NAA15: variants seen among roughly 807,000 people sequenced by gnomAD.
NAA15 encodes the protein N-alpha-acetyltransferase 15, NatA auxiliary subunit.
NAA15 carries 34 observed loss-of-function variants against 114.0 expected under a neutral mutation model. The ratio of observed to expected loss-of-function variants is 0.30; its 90% CI spans 0.23 to 0.40. The LOEUF (loss-of-function observed/expected upper bound fraction) is 0.40, where lower values mean the gene tolerates loss of function less well. NAA15 is among the 10% of genes least tolerant of loss of function. NAA15 has a pLI of 1.00. For missense variants in NAA15, 658 were observed against 1,004.5 expected, an observed-to-expected ratio of 0.66 and a Z score of 4.66; for synonymous variants, 340 against 338.0, an observed-to-expected ratio of 1.01 and a Z score of -0.06.
intron 1 of NAA15, among the ~76,000 whole-genome samples, chr4:139,310,271 G>A (rs1395514060): frequency 5.9e-5 from 9 of 151,454 alleles, no homozygotes; most frequent in Non-Finnish European, 8.8e-5. Context: ...TGGCTAAAAC[G>A]GTGAAACCCT....
At chr4:139,378,955 G>A in intron 17 of NAA15, 101 bp downstream of exon 17, 1 of 717,354 alleles carries the variant, frequency 1.4e-6, no homozygotes, top group South Asian at 1.9e-5. Flanking sequence ...TGATTTTAAA[G>A]CTGTCACATA....
intron 6 of NAA15, among the ~76,000 whole-genome samples, chr4:139,346,680 G>A (rs184252698): frequency 1.8e-3 from 274 of 152,164 alleles, no homozygotes; most frequent in Non-Finnish European, 3.1e-3. Flanking sequence ...CCCGAGTAGT[G>A]GGATTATAGG....
rs529543809 is a variant in NAA15, at chr4:139,323,568, C to T, written c.55-10606C>T. Among the ~76,000 whole-genome samples the T allele has an allele frequency of 1.5e-4, 23 of 152,252 alleles. No individual in the cohort carries two copies. The East Asian group carries it at 3.9e-3, about 26-fold the overall frequency. ...CCTGCCCCATAAATTCCAGCAGTTT[C>T]TAATTCTCATATCTACTCAGGTCAG... is the stretch of plus-strand genomic sequence containing the variant. On this transcript the variant is annotated intron_variant, in intron 1 of 19. Transcript: ENST00000296543.
rs546157720 is a variant in NAA15, at chr4:139,368,706, C to T, written c.1754-1505C>T. 7.9e-5 allele frequency among the ~76,000 whole-genome samples: 12 copies of T among 151,994 alleles called. No homozygotes were observed. The East Asian group carries it at 1.7e-3, about 22-fold the overall frequency. ...CACATGAGTCACTAAATATAGCCCACGTTTGAGGTGGCGGGGGTGGAGGGG... is the reference window on the plus strand; with the variant it reads ...CACATGAGTCACTAAATATAGCCCATGTTTGAGGTGGCGGGGGTGGAGGGG... On this transcript the variant is annotated intron_variant, in intron 14 of 19. Coordinates refer to ENST00000296543, the MANE Select transcript of NAA15 (RefSeq NM_057175.5).
chr4:139,356,831 G>C lies in NAA15; in HGVS notation c.1088-555G>C, dbSNP rs1241356834. ...TTTTACTTGTCATCTCATTTTTGGG[G>C]TATAGTTTTTATTTGACTTAAATTA... On this transcript the variant is annotated intron_variant, in intron 10 of 19. Coordinates refer to ENST00000296543, the MANE Select transcript of NAA15 (RefSeq NM_057175.5). Among the ~76,000 whole-genome samples, 4 of 151,852 alleles carry C rather than the reference G, an allele frequency of 2.6e-5. No homozygotes were observed. The South Asian group carries it at 8.3e-4, about 32-fold the overall frequency.
At chr4:139,364,604 G>C (rs1287615963) in intron 14 of NAA15, among the ~76,000 whole-genome samples, 3 of 152,130 alleles carry the variant, frequency 2.0e-5, no homozygotes, top group Non-Finnish European at 4.4e-5. Context: ...GTAGGTCATA[G>C]GCATGGTTTC....
chr4:139,317,621 G>GA (rs1364108821), intron 1 of NAA15, among the ~76,000 whole-genome samples: 2 of 152,038 alleles, frequency 1.3e-5, no homozygotes, highest in Admixed American at 6.6e-5. Flanking sequence ...ACACTGTCTT[G>GA]AAAAAACAAC....
chr4:139,311,355 G>A (rs1170181728), intron 1 of NAA15, among the ~76,000 whole-genome samples: 1 of 145,382 alleles, frequency 6.9e-6, no homozygotes, highest in African/African-American at 2.6e-5. Flanking sequence ...TGTGAAAATA[G>A]TGATTACAGG....
At chr4:139,340,537 A>G (rs1166421650) in intron 3 of NAA15, among the ~76,000 whole-genome samples, 1 of 152,146 alleles carries the variant, frequency 6.6e-6, no homozygotes, top group Non-Finnish European at 1.5e-5. Flanking sequence ...GTAACTGTTT[A>G]CATATATATA....
At chr4:139,309,201 A>G in intron 1 of NAA15, among the ~76,000 whole-genome samples, 1 of 150,786 alleles carries the variant, frequency 6.6e-6, no homozygotes, top group Non-Finnish European at 1.5e-5. Context: ...TACGAAACTT[A>G]GCTGGGCGTG....
rs1181192026 is a variant in NAA15 at position 139,315,001 on chromosome 4, T to TTCAGG, written c.54+13171_54+13172insCAGGT. On this transcript the variant is annotated intron_variant, in intron 1 of 19. Transcript: ENST00000296543. The stretch of plus-strand genomic sequence containing the variant: ...TAGAGAAGCGTTCAGTTCAGTTCAG[T>TTCAGG]TTAGTTTAGGTTAGGTTAGGTTAGG... Among the ~76,000 whole-genome samples, 49 of 74,382 alleles carry TTCAGG rather than the reference T, an allele frequency of 6.6e-4. 3 individuals are homozygous for TTCAGG. The highest frequency in any genetic ancestry group is 9.2e-4 in the Admixed American group (6 of 6,502). The allele number at this position is 74,382 out of a possible 152,430, so 48.8% of individuals were successfully genotyped here.
intron 5 of NAA15, among the ~76,000 whole-genome samples, 194 bp downstream of exon 5, chr4:139,343,154 A>G (rs994818094): frequency 9.2e-5 from 14 of 152,312 alleles, no homozygotes; most frequent in African/African-American, 3.4e-4. Context: ...TTACTTTAAA[A>G]TTTGTGTATC....
Position 139,342,965 on chromosome 4 carries a change from TA to T in NAA15, c.537+7del. On this transcript the variant is annotated splice_donor_region_variant and intron_variant, in intron 5 of 19. Transcript: ENST00000296543. Reference sequence around the variant, plus strand: ...GAATTTAGGAAAACACAACAGGTAATAACTAGAAGCCATTTTACTAAGTCTG... The same window carrying T: ...GAATTTAGGAAAACACAACAGGTAATACTAGAAGCCATTTTACTAAGTCTG... 3.7e-6 allele frequency: 6 copies of T among 1,609,270 alleles called. No individual in the cohort carries two copies. The highest frequency in any genetic ancestry group is 5.1e-6 in the Non-Finnish European group (6 of 1,176,730).
intron 1 of NAA15, among the ~76,000 whole-genome samples, chr4:139,323,618 T>C (rs1746694195): frequency 1.3e-5 from 2 of 152,218 alleles, no homozygotes; most frequent in South Asian, 4.1e-4. Flanking sequence ...TCTGTTTAGG[T>C]CCCCCACCCA....
chr4:139,312,937 C>T (rs1042261882), intron 1 of NAA15, among the ~76,000 whole-genome samples: 7 of 151,854 alleles, frequency 4.6e-5, no homozygotes, highest in African/African-American at 1.7e-4. Flanking sequence ...CTCTACTGCA[C>T]TTTCTTTGGT....
intron 1 of NAA15, among the ~76,000 whole-genome samples, chr4:139,305,045 G>C (rs1008643747): frequency 6.6e-6 from 1 of 152,190 alleles, no homozygotes; most frequent in Non-Finnish European, 1.5e-5. Context: ...TCAGCCTCCG[G>C]AGTAGGGGGG....
intron 15 of NAA15, among the ~76,000 whole-genome samples, chr4:139,372,732 C>G (rs914274870): frequency 1.3e-5 from 2 of 148,404 alleles, no homozygotes; most frequent in East Asian, 2.0e-4. Context: ...GCCCTTCAAC[C>G]CCCCCTTTTT....
At chr4:139,364,566 CATG>C (rs1323350693) in intron 14 of NAA15, among the ~76,000 whole-genome samples, 1 of 152,066 alleles carries the variant, frequency 6.6e-6, no homozygotes, top group South Asian at 2.1e-4. Context: ...CTACCTTTAT[CATG>C]ATAAATTCTG....
At chr4:139,372,681 C>T (rs1275783126) in intron 15 of NAA15, among the ~76,000 whole-genome samples, 4 of 152,030 alleles carry the variant, frequency 2.6e-5, no homozygotes, top group East Asian at 1.9e-4. Context: ...TTTTAAAGGC[C>T]GCCTGCCAAG....
Sources: gnomAD v4.1 joint callset for allele counts (sites outside exome capture counted in the v4.1 genomes callset) on GRCh38, gnomAD v4.1.1 for gene constraint, MANE v1.5 for transcripts, NCBI Gene and HGNC (gene_info 2026-07-23, HGNC 2026-07-21) for gene names.